Variants in APEH observed in about 807,000 individuals in gnomAD.
APEH encodes acylaminoacyl-peptide hydrolase.
A neutral mutation model predicts 102.7 loss-of-function variants in APEH; 75 were observed. The observed-to-expected ratio is 0.73, with a 90% CI of 0.61 to 0.89. APEH has a LOEUF of 0.89. APEH is among the 40% of genes least tolerant of loss of function. The pLI is 0.00. For synonymous variants in APEH, 344 were observed against 362.7 expected (o/e 0.95, Z 0.59); for missense variants, 863 against 941.2 (o/e 0.92, Z 1.09).
chr3:49,675,135 C>G, intron 2 of APEH, 48 bp from the exon 3 acceptor site: 1 of 1,611,942 alleles, frequency 6.2e-7, no homozygotes, highest in Non-Finnish European at 8.5e-7. Context: ...GGGGCAGTAG[C>G]CAGGAGTAGC....
chr3:49,676,861 C>T (rs1362712763), intron 9 of APEH, 42 bp from the exon 10 acceptor site: 5 of 1,614,236 alleles, frequency 3.1e-6, no homozygotes, highest in South Asian at 1.1e-5. Context: ...CACATGTTGG[C>T]CCTGCCAGCC....
At chr3:49,681,341 G>A (rs2053311049) in intron 15 of APEH, 102 bp downstream of exon 15, 1 of 1,322,722 alleles carries the variant, frequency 7.6e-7, no homozygotes, top group African/African-American at 1.5e-5. Flanking sequence ...TGGGGTTTCT[G>A]GTGATGACCT....
intron 3 of APEH, 43 bp downstream of exon 3, chr3:49,675,352 C>A (rs1186396942): frequency 6.2e-7 from 1 of 1,608,182 alleles, no homozygotes; most frequent in Non-Finnish European, 8.5e-7. Context: ...CCACAGCCGT[C>A]CGCAATGCAA....
chr3:49,675,995 G>T (rs1447412023), intron 5 of APEH, 29 bp downstream of exon 5: 17 of 1,614,080 alleles, frequency 1.1e-5, no homozygotes, highest in African/African-American at 5.3e-5. Flanking sequence ...GAGCAGGCAG[G>T]GTGGACAGGA....
At position 49,675,349 on chromosome 3, in the gene APEH, C is replaced by T. The variant is rs369454383; in HGVS notation, c.272+40C>T. 3.2e-5 allele frequency: 51 copies of T among 1,609,166 alleles called. No homozygotes were observed. In the African/African-American group the frequency reaches 3.3e-4, roughly 11 times the overall value. On this transcript the variant is annotated intron_variant, in intron 3 of 21. Transcript: ENST00000296456. ...GGAAGCTTGTGGGCAAGGCCACAGCCGTCCGCAATGCAAGCCTTTTATGAA... is the reference window on the plus strand; with the variant it reads ...GGAAGCTTGTGGGCAAGGCCACAGCTGTCCGCAATGCAAGCCTTTTATGAA...
upstream of APEH, among the ~76,000 whole-genome samples, chr3:49,673,558 G>A (rs893320239): frequency 1.3e-5 from 2 of 152,098 alleles, no homozygotes; most frequent in African/African-American, 2.4e-5. Context: ...CGACTGATAA[G>A]TCCGGGCAGC....
rs763983909 is a variant in APEH, at chr3:49,681,124, A to G, written c.1323A>G (p.Ala441=). ...PTLKVGFLPS[A]GKEQSVLWVS... ...AGAAAGTTGGGTTCCTGCCTTCTGC[A>G]GGGAAGGAGCAGTCAGTGTTGTGGG... The change falls in exon 15 of 22, where the codon GCA becomes GCG. Residue 441 remains alanine (A), a synonymous_variant. Transcript: ENST00000296456. 6.3e-7 allele frequency: 1 copy of G among 1,596,614 alleles called. No individual in the cohort carries two copies. Among genetic ancestry groups the G allele is most frequent in the African/African-American group, 1.3e-5 (1 of 74,176 alleles).
chr3:49,675,775 G>A lies in APEH; in HGVS notation c.354G>A (p.Lys118=), dbSNP rs1422915953. ...GAGGCACGGGCCCTGGGGAAGAGAA[G>A]CAGTTCCTGGAGGTGAGTCTGCATG... The part of the protein sequence containing the change: ...KAGGTGPGEE[K]QFLEVWEKNR... Residue 118 remains lysine, a synonymous_variant, in exon 4 of 22, where the codon AAG becomes AAA. Transcript: ENST00000296456. The A allele has an allele frequency of 8.7e-6, 14 of 1,614,062 alleles. No homozygotes were observed. The South Asian group carries it at 9.9e-5, about 11-fold the overall frequency.
intron 2 of APEH, 23 bp from the exon 3 acceptor site, chr3:49,675,160 C>G: frequency 6.2e-7 from 1 of 1,613,350 alleles, no homozygotes; most frequent in Non-Finnish European, 8.5e-7. Flanking sequence ...ACAAGGTGAG[C>G]AGTCTCATGC....
chr3:49,680,452 G>C, intron 13 of APEH, 89 bp from the exon 14 acceptor site: 4 of 1,225,580 alleles, frequency 3.3e-6, no homozygotes, highest in Non-Finnish European at 4.8e-6. Flanking sequence ...CCTTTCCATA[G>C]AGTCTCCAGC....
At position 49,683,866 on chromosome 3, in the gene APEH, G is replaced by A; in HGVS notation, c.*524G>A. Reference sequence around the variant, plus strand: ...AGGCTGGACAGATCACCTAGCCCAGGGTGTGCTGGGCTCAAGCCACCCGAG... The same window carrying A: ...AGGCTGGACAGATCACCTAGCCCAGAGTGTGCTGGGCTCAAGCCACCCGAG... On this transcript the variant is annotated 3_prime_UTR_variant, in exon 22 of 22. Transcript: ENST00000296456. 9.6e-7 allele frequency: 1 copy of A among 1,044,630 alleles called. No individual in the cohort carries two copies. The highest frequency in any genetic ancestry group is 1.4e-6 in the Non-Finnish European group (1 of 726,722). The allele number at this position is 1,044,630 out of a possible 1,614,324, so 64.7% of individuals were successfully genotyped here.
chr3:49,676,625 G>A lies in APEH; in HGVS notation c.761G>A (p.Gly254Glu), dbSNP rs1220583584. 10 of 1,614,246 alleles carry A rather than the reference G, an allele frequency of 6.2e-6. No homozygotes were observed. Among genetic ancestry groups the A allele is most frequent in the South Asian group, 2.2e-5 (2 of 91,088 alleles). Residue 254 changes from glycine to glutamate, a missense_variant, in exon 8 of 22, where the codon GGA (glycine) becomes GAA (glutamate). Transcript: ENST00000296456. ...TGTTTACAGGCATTTTGGGCCCCTGGAGATGCTGGTGTGGTGTTTGTGGGC... is the reference window on the plus strand; with the variant it reads ...TGTTTACAGGCATTTTGGGCCCCTGAAGATGCTGGTGTGGTGTTTGTGGGC... ...VSPGQAFWAP[G>E]DAGVVFVGWW...
chr3:49,680,430 G>A, intron 13 of APEH, 111 bp from the exon 14 acceptor site: 7 of 964,718 alleles, frequency 7.3e-6, no homozygotes, highest in Non-Finnish European at 1.1e-5. Context: ...ACTTCTCGGG[G>A]AGAAAAGGGC....
At position 49,682,669 on chromosome 3, in the gene APEH, G is replaced by T; in HGVS notation, c.1816G>T (p.Ala606Ser). Residue 606 changes from alanine to serine, a missense_variant, in exon 19 of 22, where the codon GCC (alanine) becomes TCC (serine). Ala to Ser is a moderately conservative substitution (Grantham distance 99, BLOSUM62 1). Coordinates refer to ENST00000296456, the MANE Select transcript of APEH (RefSeq NM_001640.4). ...TGGTCAGTACCCAGAGACCTACAGG[G>T]CCTGCGTGGCCCGGAACCCCGTGAT... Reference protein sequence around the residue: ...LIGQYPETYRACVARNPVINI... With the variant: ...LIGQYPETYRSCVARNPVINI... 6.2e-7 allele frequency: 1 copy of T among 1,613,996 alleles called. No homozygotes were observed. The highest frequency in any genetic ancestry group is 1.1e-5 in the South Asian group (1 of 91,086).
chr3:49,675,241 G>A lies in APEH; in HGVS notation c.204G>A (p.Leu68=), dbSNP rs545107059. The A allele has an allele frequency of 1.9e-6, 3 of 1,614,074 alleles. No homozygotes were observed. The highest frequency in any genetic ancestry group is 1.7e-6 in the Non-Finnish European group (2 of 1,179,994). ...ACATTCGATTCTGCCGCCAATACCT[G>A]GTGTTCCATGACGGGGACTCAGTGG... ...MENIRFCRQY[L]VFHDGDSVVF... The change falls in exon 3 of 22, where the codon CTG becomes CTA. Residue 68 remains leucine, a synonymous_variant. Coordinates refer to ENST00000296456, the MANE Select transcript of APEH (RefSeq NM_001640.4).
rs1188480744 is a variant in APEH at position 49,679,096 on chromosome 3, T to C, written c.1158+147T>C. The stretch of plus-strand genomic sequence containing the variant: ...ACCCTGCCTGCCCATCCTGGACTCA[T>C]TTCTCCTGGAGGGGACTGGCTGCCC... On this transcript the variant is annotated intron_variant, in intron 12 of 21. Coordinates refer to ENST00000296456, the MANE Select transcript of APEH (RefSeq NM_001640.4). The surrounding 1 kb of genome is among the most constrained non-coding windows in gnomAD (Gnocchi z 4.3). 3.0e-6 allele frequency: 2 copies of C among 663,086 alleles called. No individual in the cohort carries two copies. The highest frequency in any genetic ancestry group is 3.6e-5 in the African/African-American group (2 of 54,996). The allele number at this position is 663,086 out of a possible 1,614,324, so 41.1% of individuals were successfully genotyped here.
rs762049348 is a variant in APEH at position 49,675,746 on chromosome 3, GCTGGAGGCACGGGCC to G, written c.330_344del (p.Gly111_Gly115del). ...CACCATGAAAGCTGTGCTGCGCAAGGCTGGAGGCACGGGCCCTGGGGAAGAGAAGCAGTTCCTGGA... is the reference window on the plus strand; with the variant it reads ...CACCATGAAAGCTGTGCTGCGCAAGGCTGGGGAAGAGAAGCAGTTCCTGGA... On this transcript the variant is annotated inframe_deletion, in exon 4 of 22. Transcript: ENST00000296456. 6.2e-7 allele frequency: 1 copy of G among 1,614,128 alleles called. No homozygotes were observed. The highest frequency in any genetic ancestry group is 1.1e-5 in the South Asian group (1 of 91,084).
chr3:49,680,442 C>A, intron 13 of APEH, 99 bp from the exon 14 acceptor site: 1 of 1,136,486 alleles, frequency 8.8e-7, no homozygotes, highest in Non-Finnish European at 1.3e-6. Context: ...GAAAAGGGCA[C>A]CTTTCCATAG....
chr3:49,675,927 C>T lies in APEH; in HGVS notation c.403C>T (p.Leu135=). 1 of 1,614,196 alleles carries T rather than the reference C, an allele frequency of 6.2e-7. No homozygotes were observed. The highest frequency in any genetic ancestry group is 8.5e-7 in the Non-Finnish European group (1 of 1,180,024). Residue 135 remains leucine, a synonymous_variant, in exon 5 of 22, where the codon CTG becomes TTG. Coordinates refer to ENST00000296456, the MANE Select transcript of APEH (RefSeq NM_001640.4). ...EKNRKLKSFN[L]SALEKHGPVY... ...GAACCGGAAGCTCAAGAGCTTCAAC[C>T]TGTCAGCGCTGGAGAAACATGGGCC...
Sources: allele counts gnomAD v4.1 joint callset (sites outside exome capture counted in the v4.1 genomes callset), GRCh38; gene constraint gnomAD v4.1.1; non-coding constraint Gnocchi (gnomAD v3.1); transcripts MANE v1.5; gene names NCBI Gene and HGNC (gene_info 2026-07-23, HGNC 2026-07-21).